PTPRT: variants seen among roughly 807,000 people sequenced by gnomAD.
The protein encoded by PTPRT is receptor-type tyrosine-protein phosphatase T.
PTPRT carries 56 observed loss-of-function variants against 176.8 expected under a neutral mutation model. The ratio of observed to expected loss-of-function variants is 0.32; its 90% confidence interval spans 0.26 to 0.40. The LOEUF is 0.40. Ranked by LOEUF, PTPRT falls within the 10% of genes least tolerant of loss-of-function variation. PTPRT has a pLI of 1.00. For missense variants in PTPRT, 1,540 were observed against 1,908.2 expected (o/e 0.81, Z 3.60); for synonymous variants, 783 against 739.0 (o/e 1.06, Z -0.96).
chr20:42,525,105 A>T (rs2072245137), intron 7 of PTPRT, among the ~76,000 whole-genome samples: 1 of 152,020 alleles, frequency 6.6e-6, no homozygotes, highest in Non-Finnish European at 1.5e-5. Context: ...CTTCCACCTC[A>T]GCCTCCCGCT....
chr20:42,410,965 T>C (rs914973110), intron 9 of PTPRT, among the ~76,000 whole-genome samples: 45 of 152,160 alleles, frequency 3.0e-4, no homozygotes, highest in African/African-American at 9.9e-4. Flanking sequence ...AAAATACTTA[T>C]ATTAGAAAAC....
chr20:43,065,878 A>G (rs543077289), intron 1 of PTPRT, among the ~76,000 whole-genome samples: 1 of 144,538 alleles, frequency 6.9e-6, no homozygotes, highest in African/African-American at 2.9e-5. Flanking sequence ...ACAGTTGGGG[A>G]AAAAAAGGTG....
intron 9 of PTPRT, among the ~76,000 whole-genome samples, chr20:42,433,558 G>T (rs570766433): frequency 2.6e-5 from 4 of 152,278 alleles, no homozygotes; most frequent in African/African-American, 7.2e-5. Context: ...GTCCATCATG[G>T]GAATGGTATT....
At chr20:42,261,414 G>A (rs2056746830) in intron 13 of PTPRT, among the ~76,000 whole-genome samples, 1 of 152,006 alleles carries the variant, frequency 6.6e-6, no homozygotes, top group African/African-American at 2.4e-5. Flanking sequence ...TTTTAAATAA[G>A]GTTCCACTCA....
At chr20:42,443,892 T>C (rs2059340479) in intron 9 of PTPRT, among the ~76,000 whole-genome samples, 1 of 152,232 alleles carries the variant, frequency 6.6e-6, no homozygotes, top group South Asian at 2.1e-4. Context: ...TCATAGATGA[T>C]GGAAATGTCC....
chr20:42,194,129 G>A (rs746678949), intron 16 of PTPRT, among the ~76,000 whole-genome samples: 8 of 152,136 alleles, frequency 5.3e-5, no homozygotes, highest in Admixed American at 3.3e-4. Flanking sequence ...GAAAGACTTC[G>A]TAAACTATGA....
At chr20:42,739,520 G>A (rs762363698) in intron 6 of PTPRT, among the ~76,000 whole-genome samples, 1 of 152,150 alleles carries the variant, frequency 6.6e-6, no homozygotes, top group Non-Finnish European at 1.5e-5. Context: ...GGAAGGGGCA[G>A]AGGCTGGCGG....
intron 7 of PTPRT, among the ~76,000 whole-genome samples, chr20:42,629,878 G>A (rs1158151644): frequency 1.3e-5 from 2 of 152,136 alleles, no homozygotes; most frequent in African/African-American, 2.4e-5. Flanking sequence ...CCAATGGGGG[G>A]AAAAATGATA....
At chr20:42,378,172 A>AT (rs1290900792) in intron 9 of PTPRT, among the ~76,000 whole-genome samples, 1 of 152,216 alleles carries the variant, frequency 6.6e-6, no homozygotes, top group African/African-American at 2.4e-5. Flanking sequence ...AGAATGTAAG[A>AT]TCCCCAAGGA....
intron 11 of PTPRT, among the ~76,000 whole-genome samples, chr20:42,334,128 T>TA (rs961205997): frequency 9.9e-5 from 15 of 152,090 alleles, no homozygotes; most frequent in African/African-American, 2.9e-4. Flanking sequence ...TACATTTTTT[T>TA]AAAAAAAAGT....
chr20:42,161,725 A>G (rs1989610630), intron 16 of PTPRT, among the ~76,000 whole-genome samples, 183 bp from the exon 17 acceptor site: 1 of 152,206 alleles, frequency 6.6e-6, no homozygotes, highest in East Asian at 1.9e-4. Context: ...GGTAGATCTA[A>G]GTATCAAACC....
chr20:42,116,097 T>C (rs763218735), intron 21 of PTPRT: 1 of 721,904 alleles, frequency 1.4e-6, no homozygotes, highest in South Asian at 1.5e-5. Flanking sequence ...TTCCGCTGGG[T>C]GCTAATAGGT....
intron 6 of PTPRT, among the ~76,000 whole-genome samples, chr20:42,740,568 T>A (rs949072423): frequency 6.6e-6 from 1 of 152,220 alleles, no homozygotes; most frequent in Non-Finnish European, 1.5e-5. Flanking sequence ...TGTCAAGGAC[T>A]GAGGCAATGG....
At chr20:43,098,906 C>T (rs1438449309) in intron 1 of PTPRT, among the ~76,000 whole-genome samples, 1 of 152,044 alleles carries the variant, frequency 6.6e-6, no homozygotes, top group Non-Finnish European at 1.5e-5. Flanking sequence ...GGGAACTGCC[C>T]TCAATCATTC....
Position 42,608,723 on chromosome 20 carries a change from C to T in PTPRT, c.1153+69143G>A, listed in dbSNP as rs1184579562. On this transcript the variant is annotated intron_variant, in intron 7 of 30. Transcript: ENST00000373187. Reference sequence around the variant, plus strand: ...AAGGTCAGCCCAGCTGGCACTGTCACCTGGAGCACGGACTTAGGGTCTTGC... The same window carrying T: ...AAGGTCAGCCCAGCTGGCACTGTCATCTGGAGCACGGACTTAGGGTCTTGC... Among the ~76,000 whole-genome samples, 3 of 152,162 alleles carry T rather than the reference C, an allele frequency of 2.0e-5. 1 individual carries two copies. Among genetic ancestry groups the T allele is most frequent in the Non-Finnish European group, 4.4e-5 (3 of 68,020 alleles).
chr20:42,468,208 G>A (rs530736467), intron 8 of PTPRT, among the ~76,000 whole-genome samples: 42 of 152,258 alleles, frequency 2.8e-4, no homozygotes, highest in African/African-American at 4.3e-4. Context: ...TTTGTGGCAC[G>A]GATGACAGCA....
intron 24 of PTPRT, among the ~76,000 whole-genome samples, chr20:42,105,787 G>A (rs550737080): frequency 1.3e-5 from 2 of 152,318 alleles, no homozygotes; most frequent in African/African-American, 4.8e-5. Flanking sequence ...CCAATCAATG[G>A]TGGTATTCAC....
chr20:42,773,347 T>C (rs188220304), intron 4 of PTPRT, among the ~76,000 whole-genome samples: 1 of 152,294 alleles, frequency 6.6e-6, no homozygotes, highest in East Asian at 1.9e-4. Flanking sequence ...CCTGGCACAG[T>C]GAAGAGTTCA....
At chr20:42,235,589 T>TA (rs1287370618) in intron 15 of PTPRT, among the ~76,000 whole-genome samples, 2 of 151,862 alleles carry the variant, frequency 1.3e-5, no homozygotes, top group African/African-American at 4.8e-5. Flanking sequence ...AAATAATCAC[T>TA]TTTTTTTAGC....
Sources: allele counts gnomAD v4.1 joint callset (sites outside exome capture counted in the v4.1 genomes callset), GRCh38; gene constraint gnomAD v4.1.1; transcripts MANE v1.5; gene names NCBI Gene and HGNC (gene_info 2026-07-23, HGNC 2026-07-21).